The following DCC variants were observed in gnomAD, a reference collection of about 807,000 sequenced individuals.
The protein encoded by DCC is DCC netrin 1 receptor, also known as netrin receptor DCC.
A neutral mutation model predicts 172.5 loss-of-function variants in DCC; 58 were observed. That is an observed-to-expected ratio of 0.34 (90% CI 0.27 to 0.42). The LOEUF is 0.42. DCC is among the 10% of genes least tolerant of loss of function. The probability of loss-of-function intolerance (pLI) is 1.00; values close to 1 mark genes in which losing one functional copy is unlikely to be tolerated. For synonymous variants in DCC, 709 were observed against 644.5 expected (o/e 1.10, Z -1.52); for missense variants, 1,740 against 1,791.0 (o/e 0.97, Z 0.51).
At chr18:52,783,057 A>C (rs2037577920) in intron 2 of DCC, among the ~76,000 whole-genome samples, 1 of 152,072 alleles carries the variant, frequency 6.6e-6, no homozygotes, top group South Asian at 2.1e-4. Flanking sequence ...ATGTTTCTAA[A>C]AGTATGTGTA....
At chr18:53,074,764 G>A (rs931267981) in intron 7 of DCC, among the ~76,000 whole-genome samples, 7 of 152,088 alleles carry the variant, frequency 4.6e-5, no homozygotes, top group South Asian at 2.1e-4. Flanking sequence ...CCTAGTGTAT[G>A]AGATGTGTCC....
At chr18:53,100,971 G>A (rs1037447377) in intron 7 of DCC, among the ~76,000 whole-genome samples, 15 of 36,806 alleles carry the variant, frequency 4.1e-4, no homozygotes, top group Non-Finnish European at 8.1e-4. Context: ...CCAGACCATG[G>A]GGGAGGAAGA....
intron 1 of DCC, among the ~76,000 whole-genome samples, chr18:52,609,622 C>T (rs190745370): frequency 1.3e-5 from 2 of 151,994 alleles, no homozygotes; most frequent in East Asian, 3.9e-4. Context: ...TGATTTTAAA[C>T]ATTCCTCTCT....
intron 26 of DCC, among the ~76,000 whole-genome samples, chr18:53,493,981 T>C (rs910669776): frequency 6.6e-6 from 1 of 152,250 alleles, no homozygotes; most frequent in Admixed American, 6.5e-5. Context: ...TAACTTTCCC[T>C]GTACACACTG....
chr18:53,294,101 G>GA (rs1568036134), intron 12 of DCC, among the ~76,000 whole-genome samples: 1 of 152,132 alleles, frequency 6.6e-6, no homozygotes, highest in African/African-American at 2.4e-5. Flanking sequence ...TTAAAGCAGA[G>GA]AAAAGTGGTG....
chr18:53,425,105 C>CT (rs550281346), intron 21 of DCC, among the ~76,000 whole-genome samples: 76 of 148,058 alleles, frequency 5.1e-4, no homozygotes, highest in Admixed American at 2.9e-3. Context: ...TTTTCTTGGC[C>CT]TTTTTTTTTT....
intron 5 of DCC, among the ~76,000 whole-genome samples, chr18:52,937,965 A>T (rs1013990477): frequency 2.6e-5 from 4 of 152,146 alleles, no homozygotes; most frequent in Non-Finnish European, 5.9e-5. Context: ...AGTTGTTACC[A>T]AGATTAGACC....
intron 1 of DCC, among the ~76,000 whole-genome samples, chr18:52,577,472 A>G (rs2033441300): frequency 6.6e-6 from 1 of 152,224 alleles, no homozygotes; most frequent in Non-Finnish European, 1.5e-5. Flanking sequence ...TAACGTTTGC[A>G]ATAGAAAGTT....
chr18:52,353,058 A>C (rs1325626619), intron 1 of DCC, among the ~76,000 whole-genome samples: 3 of 152,108 alleles, frequency 2.0e-5, no homozygotes, highest in Non-Finnish European at 4.4e-5. Context: ...CCCCTACCAC[A>C]CTAGTTTTTC....
intron 16 of DCC, among the ~76,000 whole-genome samples, chr18:53,391,384 G>T (rs1300406248): frequency 6.6e-6 from 1 of 152,072 alleles, no homozygotes; most frequent in Non-Finnish European, 1.5e-5. Context: ...AAATATATAA[G>T]CAGAAGTGAC....
intron 1 of DCC, among the ~76,000 whole-genome samples, chr18:52,732,705 C>T (rs968128044): frequency 1.3e-5 from 2 of 152,160 alleles, no homozygotes; most frequent in Non-Finnish European, 2.9e-5. Context: ...ATTTCAAATT[C>T]ATACTTATTC....
intron 1 of DCC, among the ~76,000 whole-genome samples, chr18:52,690,215 G>T (rs182936993): frequency 1.7e-4 from 26 of 152,138 alleles, no homozygotes; most frequent in Admixed American, 5.2e-4. Context: ...CAACACATCT[G>T]ACTGGAAGGC....
intron 15 of DCC, among the ~76,000 whole-genome samples, chr18:53,374,721 G>A (rs1041654714): frequency 6.6e-6 from 1 of 152,130 alleles, no homozygotes; most frequent in East Asian, 1.9e-4. Flanking sequence ...CATACACACA[G>A]TCTCAGACAC....
intron 1 of DCC, among the ~76,000 whole-genome samples, chr18:52,462,555 C>T (rs184169098): frequency 6.6e-6 from 1 of 152,226 alleles, no homozygotes; most frequent in East Asian, 1.9e-4. Flanking sequence ...GGTCTTTGCT[C>T]AACTGTCACT....
intron 5 of DCC, among the ~76,000 whole-genome samples, chr18:53,026,416 G>A (rs995156071): frequency 1.3e-5 from 2 of 152,086 alleles, no homozygotes; most frequent in Non-Finnish European, 2.9e-5. Flanking sequence ...TTACTAGGAA[G>A]CAGTGATTTT....
intron 1 of DCC, among the ~76,000 whole-genome samples, chr18:52,343,212 A>C (rs996059549): frequency 2.0e-5 from 3 of 152,218 alleles, no homozygotes; most frequent in Non-Finnish European, 4.4e-5. Context: ...TCTTTCTCTT[A>C]GTAATAATTT....
intron 22 of DCC, among the ~76,000 whole-genome samples, chr18:53,441,089 A>G (rs1404850106): frequency 1.3e-5 from 2 of 152,230 alleles, no homozygotes; most frequent in Non-Finnish European, 2.9e-5. Context: ...ATGTCTGTAG[A>G]CATTGCCAAA....
intron 1 of DCC, among the ~76,000 whole-genome samples, chr18:52,700,993 T>C (rs1008878731): frequency 2.6e-5 from 4 of 152,234 alleles, no homozygotes; most frequent in Non-Finnish European, 5.9e-5. Context: ...ATTGTCATGG[T>C]AAATTCCATT....
intron 5 of DCC, among the ~76,000 whole-genome samples, 177 bp downstream of exon 5, chr18:52,925,547 G>A (rs2040188213): frequency 6.6e-6 from 1 of 151,952 alleles, no homozygotes; most frequent in African/African-American, 2.4e-5. Context: ...TATATGCAAT[G>A]TTTGAATACT....
Sources: gnomAD v4.1 joint callset for allele counts (sites outside exome capture counted in the v4.1 genomes callset) on GRCh38, gnomAD v4.1.1 for gene constraint, MANE v1.5 for transcripts, NCBI Gene and HGNC (gene_info 2026-07-23, HGNC 2026-07-21) for gene names.